Variants in RGS7 observed in about 807,000 individuals in gnomAD.
The protein encoded by RGS7 is regulator of G protein signaling 7.
A neutral mutation model predicts 81.1 loss-of-function variants in RGS7; 27 were observed. The ratio of observed to expected loss-of-function variants is 0.33; its 90% CI spans 0.25 to 0.46. The LOEUF is 0.46. Among genes scored for constraint, RGS7 ranks in the 20% least tolerant of loss-of-function variants. The pLI, the probability that RGS7 is intolerant of heterozygous loss-of-function variation, is 1.00. For synonymous variants in RGS7, 208 were observed against 207.7 expected, an observed-to-expected ratio of 1.00 and a Z score of -0.01; for missense variants, 396 against 607.4, an observed-to-expected ratio of 0.65 and a Z score of 3.66.
chr1:241,346,889 A>G (rs1189078476), intron 2 of RGS7, among the ~76,000 whole-genome samples: 1 of 152,210 alleles, frequency 6.6e-6, no homozygotes, highest in Non-Finnish European at 1.5e-5. Context: ...TCCAGAGCGA[A>G]TGCACCTAGA....
At chr1:241,182,380 C>T (rs547839337) in intron 2 of RGS7, among the ~76,000 whole-genome samples, 1 of 152,272 alleles carries the variant, frequency 6.6e-6, no homozygotes, top group Non-Finnish European at 1.5e-5. Context: ...ACAGTATGCA[C>T]CTCACCAGGC....
intron 3 of RGS7, among the ~76,000 whole-genome samples, chr1:240,993,336 C>T (rs1453050110): frequency 6.6e-6 from 1 of 152,190 alleles, no homozygotes; most frequent in African/African-American, 2.4e-5. Flanking sequence ...AGCCATTTTA[C>T]ATTCCTACCA....
intron 2 of RGS7, among the ~76,000 whole-genome samples, chr1:241,296,103 G>A (rs2079406960): frequency 1.3e-5 from 2 of 152,104 alleles, no homozygotes; most frequent in Admixed American, 1.3e-4. Context: ...TGTGGATTTG[G>A]GAATTATCTG....
chr1:241,270,901 G>A (rs538702624), intron 2 of RGS7, among the ~76,000 whole-genome samples: 56 of 121,830 alleles, frequency 4.6e-4, no homozygotes, highest in African/African-American at 1.8e-3. Flanking sequence ...TGGGGCTACA[G>A]GAGCCCACCA....
intron 2 of RGS7, among the ~76,000 whole-genome samples, chr1:241,234,107 T>C (rs934632895): frequency 1.3e-5 from 2 of 152,232 alleles, no homozygotes; most frequent in Non-Finnish European, 2.9e-5. Context: ...TTTCCCGTTT[T>C]CTCTCTACTT....
chr1:240,972,246 C>T (rs550362442), intron 4 of RGS7, among the ~76,000 whole-genome samples: 30 of 152,078 alleles, frequency 2.0e-4, no homozygotes, highest in African/African-American at 5.1e-4. Context: ...GTGCAGGACA[C>T]GTATGTTTAT....
chr1:240,908,953 C>T (rs773440882), intron 6 of RGS7, among the ~76,000 whole-genome samples: 7 of 152,180 alleles, frequency 4.6e-5, no homozygotes, highest in South Asian at 2.1e-4. Flanking sequence ...ACATTTGGAA[C>T]GCACGAACTA....
chr1:241,243,676 G>A (rs974867190), intron 2 of RGS7, among the ~76,000 whole-genome samples: 11 of 152,280 alleles, frequency 7.2e-5, no homozygotes, highest in African/African-American at 2.6e-4. Context: ...AGGAAATTTG[G>A]AGAGAGAAGG....
chr1:241,067,187 C>T (rs1317913609), intron 3 of RGS7, among the ~76,000 whole-genome samples: 7 of 152,156 alleles, frequency 4.6e-5, no homozygotes, highest in Non-Finnish European at 1.0e-4. Context: ...TATTACAACA[C>T]TTACGACACA....
At chr1:240,798,018 A>G (rs1295398918) in intron 18 of RGS7, among the ~76,000 whole-genome samples, 2 of 152,180 alleles carry the variant, frequency 1.3e-5, no homozygotes, top group Non-Finnish European at 2.9e-5. Flanking sequence ...TAAAAGAAAA[A>G]GCTTGCTTCG....
intron 2 of RGS7, among the ~76,000 whole-genome samples, chr1:241,270,397 C>T (rs948621830): frequency 1.3e-5 from 2 of 152,222 alleles, no homozygotes; most frequent in African/African-American, 4.8e-5. Flanking sequence ...TGCAGAAATA[C>T]TCTCTTTTAA....
chr1:240,919,233 G>C (rs535307288), intron 6 of RGS7, among the ~76,000 whole-genome samples: 44 of 152,030 alleles, frequency 2.9e-4, no homozygotes, highest in African/African-American at 1.0e-3. Context: ...AATTCTACAA[G>C]GCCAGCATTA....
chr1:240,944,029 C>T (rs909057385), intron 4 of RGS7, among the ~76,000 whole-genome samples: 1 of 151,934 alleles, frequency 6.6e-6, no homozygotes, highest in Non-Finnish European at 1.5e-5. Flanking sequence ...ATCTTTTTTA[C>T]ACACACAGAG....
At chr1:240,847,103 A>G (rs1428324619) in intron 9 of RGS7, among the ~76,000 whole-genome samples, 1 of 152,192 alleles carries the variant, frequency 6.6e-6, no homozygotes, top group African/African-American at 2.4e-5. Context: ...TTAACCTTCA[A>G]ACTTCAACTC....
chr1:240,868,155 A>AAAGAAAGAAAGG lies in RGS7; in HGVS notation c.609+431_609+432insCCTTTCTTTCTT, dbSNP rs1165591408. On this transcript the variant is annotated intron_variant, in intron 9 of 18. Transcript: ENST00000440928. This position sits in a 1 kb window ranked among gnomAD's most constrained non-coding sequence, Gnocchi z 5.1. ...GAAAGAAAGAAAGAAAGAAAGAAAGAAAGGACGGAGGGAGGGAAGGACGAA... is the reference window on the plus strand; with the variant it reads ...GAAAGAAAGAAAGAAAGAAAGAAAGAAAGAAAGAAAGGAAGGACGGAGGGAGGGAAGGACGAA... Among the ~76,000 whole-genome samples the AAAGAAAGAAAGG allele has an allele frequency of 6.7e-6, 1 of 148,886 alleles. No homozygotes were observed. The highest frequency in any genetic ancestry group is 1.5e-5 in the Non-Finnish European group (1 of 67,330).
chr1:241,199,406 G>C (rs894891541), intron 2 of RGS7, among the ~76,000 whole-genome samples: 5 of 151,754 alleles, frequency 3.3e-5, no homozygotes, highest in Admixed American at 1.3e-4. Context: ...CCTGGTGACA[G>C]AGTGAGACTG....
At chr1:240,855,807 C>T (rs1220159147) in intron 9 of RGS7, among the ~76,000 whole-genome samples, 1 of 152,094 alleles carries the variant, frequency 6.6e-6, no homozygotes, top group Admixed American at 6.5e-5. Flanking sequence ...AATACCAATG[C>T]ACACACCCAC....
At chr1:241,093,699 T>C (rs1293910657) in intron 3 of RGS7, among the ~76,000 whole-genome samples, 1 of 152,190 alleles carries the variant, frequency 6.6e-6, no homozygotes, top group Non-Finnish European at 1.5e-5. Context: ...CACTAATGAA[T>C]TAGAATATCT....
At chr1:241,004,305 C>A (rs960876459) in intron 3 of RGS7, among the ~76,000 whole-genome samples, 1 of 152,058 alleles carries the variant, frequency 6.6e-6, no homozygotes, top group African/African-American at 2.4e-5. Flanking sequence ...TTGTTCTCTC[C>A]TTTTGTTCAT....
Sources: gnomAD v4.1 joint callset for allele counts (sites outside exome capture counted in the v4.1 genomes callset) on GRCh38, gnomAD v4.1.1 for gene constraint, Gnocchi (gnomAD v3.1) non-coding constraint, MANE v1.5 for transcripts, NCBI Gene and HGNC (gene_info 2026-07-23, HGNC 2026-07-21) for gene names.